Variants in PDK1 observed in about 807,000 individuals in gnomAD.
PDK1 encodes the protein pyruvate dehydrogenase kinase 1.
A neutral mutation model predicts 54.2 loss-of-function variants in PDK1; 39 were observed. The ratio of observed to expected loss-of-function variants is 0.72; its 90% CI spans 0.56 to 0.94. The LOEUF is 0.94. PDK1 is among the 40% of genes least tolerant of loss of function. The pLI is 0.00. For missense variants in PDK1, 552 were observed against 566.0 expected, an observed-to-expected ratio of 0.98 and a Z score of 0.25; for synonymous variants, 221 against 207.1, an observed-to-expected ratio of 1.07 and a Z score of -0.58.
the PDK1 span, among the ~76,000 whole-genome samples, chr2:172,693,613 C>T: frequency 1.3e-5 from 2 of 152,106 alleles, no homozygotes; most frequent in African/African-American, 4.8e-5. Flanking sequence ...AATGGCAAAA[C>T]GGATGGGGTC....
chr2:172,676,920 T>C, the PDK1 span, among the ~76,000 whole-genome samples: 2 of 152,142 alleles, frequency 1.3e-5, no homozygotes, highest in African/African-American at 2.4e-5. Context: ...TCCTGATCAG[T>C]CAGCAGCCAC....
At chr2:172,696,507 G>A in the PDK1 span, among the ~76,000 whole-genome samples, 1 of 152,126 alleles carries the variant, frequency 6.6e-6, no homozygotes, top group Non-Finnish European at 1.5e-5. Context: ...CTTTGACAGT[G>A]GGCCATTTTG....
chr2:172,612,865 G>A (rs1238884067), downstream of PDK1, among the ~76,000 whole-genome samples: 1 of 152,074 alleles, frequency 6.6e-6, no homozygotes, highest in Admixed American at 6.5e-5. Flanking sequence ...TCACCATGTT[G>A]GCCAGGCTGG....
the PDK1 span, among the ~76,000 whole-genome samples, chr2:172,707,848 T>C: frequency 1.1e-4 from 16 of 152,276 alleles, no homozygotes; most frequent in East Asian, 2.3e-3. Context: ...TGTTAGAAAA[T>C]AGAAATGTTT....
chr2:172,672,306 G>A, the PDK1 span, among the ~76,000 whole-genome samples: 1 of 152,256 alleles, frequency 6.6e-6, no homozygotes, highest in Admixed American at 6.5e-5. Context: ...TATGTGTTCA[G>A]TGATTGTATT....
chr2:172,690,171 G>A, the PDK1 span, among the ~76,000 whole-genome samples: 238 of 149,944 alleles, frequency 1.6e-3, 4 homozygotes, highest in African/African-American at 5.2e-3. Context: ...ACAAACAACC[G>A]CATCAAAAAG....
the PDK1 span, among the ~76,000 whole-genome samples, chr2:172,671,463 C>CT: frequency 2.7e-4 from 40 of 148,376 alleles, no homozygotes; most frequent in Non-Finnish European, 4.8e-4. Context: ...TAAGTTAATG[C>CT]TTTTTTTTTA....
chr2:172,590,813 TTAGCTAGAC>T (rs1690529060), intron 9 of PDK1, among the ~76,000 whole-genome samples: 1 of 151,648 alleles, frequency 6.6e-6, no homozygotes, highest in African/African-American at 2.4e-5. Flanking sequence ...TTACAAACCT[TTAGCTAGAC>T]ACAGAGTGCT....
chr2:172,600,999 T>C lies in PDK1; in HGVS notation c.*5030T>C, dbSNP rs1174256182. ...TTAAGGGCCACTGTTTTACTGGGGT[T>C]AACTGCATGAGGTCAAAAAGAGCTA... is the stretch of plus-strand genomic sequence containing the variant. On this transcript the variant is annotated 3_prime_UTR_variant, in exon 11 of 11. Coordinates refer to ENST00000282077, the MANE Select transcript of PDK1 (RefSeq NM_002610.5). 4.6e-5 allele frequency: 7 copies of C among 152,204 alleles called. No homozygotes were observed. The highest frequency in any genetic ancestry group is 1.7e-4 in the African/African-American group (7 of 41,460). 9.4% of individuals were successfully genotyped at this position (152,204 alleles called of 1,614,324 possible).
chr2:172,637,948 G>GTTCTGGGTGGAT, the PDK1 span, among the ~76,000 whole-genome samples: 51 of 152,192 alleles, frequency 3.4e-4, no homozygotes, highest in Admixed American at 6.5e-4. Context: ...TCCACCCTCA[G>GTTCTGGGTGGAT]CCTCCCAAAG....
the PDK1 span, among the ~76,000 whole-genome samples, chr2:172,661,818 GA>G: frequency 2.0e-5 from 3 of 152,162 alleles, no homozygotes; most frequent in African/African-American, 2.4e-5. Context: ...GAGAGAGGGA[GA>G]GGGGCAGGGG....
At chr2:172,682,050 C>T in the PDK1 span, among the ~76,000 whole-genome samples, 6 of 152,218 alleles carry the variant, frequency 3.9e-5, no homozygotes, top group African/African-American at 1.2e-4. Context: ...TGAGCCACCA[C>T]GCCCAGCCAG....
chr2:172,702,165 T>C, the PDK1 span, among the ~76,000 whole-genome samples: 2 of 152,210 alleles, frequency 1.3e-5, no homozygotes, highest in East Asian at 3.9e-4. Flanking sequence ...GGTGCATTGC[T>C]TGTGGGTTCC....
At chr2:172,587,323 T>C (rs1185264582) in intron 9 of PDK1, among the ~76,000 whole-genome samples, 1 of 152,182 alleles carries the variant, frequency 6.6e-6, no homozygotes. Context: ...GCTGCAGACC[T>C]TCACGGAGAG....
chr2:172,582,608 T>G (rs1421451152), intron 8 of PDK1, among the ~76,000 whole-genome samples: 1 of 152,230 alleles, frequency 6.6e-6, no homozygotes, highest in African/African-American at 2.4e-5. Flanking sequence ...CATCTCTCTT[T>G]CAATACATTT....
chr2:172,626,499 G>A, the PDK1 span, among the ~76,000 whole-genome samples: 3 of 152,114 alleles, frequency 2.0e-5, no homozygotes, highest in Non-Finnish European at 4.4e-5. Context: ...ATATAGTTTT[G>A]AAATTAATGT....
chr2:172,663,986 C>T, the PDK1 span, among the ~76,000 whole-genome samples: 21,803 of 144,258 alleles, frequency 0.15, 2,865 homozygotes, highest in East Asian at 0.54. Flanking sequence ...TTTTTTTAAC[C>T]TCTCGTAGGA....
chr2:172,661,455 G>A, the PDK1 span, among the ~76,000 whole-genome samples: 1 of 152,156 alleles, frequency 6.6e-6, no homozygotes, highest in African/African-American at 2.4e-5. Flanking sequence ...ACATAATCAT[G>A]TACTGCTACA....
intron 8 of PDK1, among the ~76,000 whole-genome samples, chr2:172,577,845 CAAA>C (rs1689662213): frequency 6.6e-6 from 1 of 152,096 alleles, no homozygotes; most frequent in Admixed American, 6.5e-5. Flanking sequence ...AGATAGGACA[CAAA>C]AAGAGTTACA....
Sources: gnomAD v4.1 joint callset for allele counts (sites outside exome capture counted in the v4.1 genomes callset) on GRCh38, gnomAD v4.1.1 for gene constraint, MANE v1.5 for transcripts, NCBI Gene and HGNC (gene_info 2026-07-23, HGNC 2026-07-21) for gene names.